The following VEGFA variants were observed in gnomAD, a reference collection of about 807,000 sequenced individuals.
VEGFA encodes the protein vascular endothelial growth factor A, long form.
VEGFA carries 20 observed loss-of-function variants against 49.7 expected under a neutral mutation model. The ratio of observed to expected loss-of-function variants is 0.40; its 90% CI spans 0.28 to 0.58. The LOEUF (loss-of-function observed/expected upper bound fraction) is 0.58, where lower values mean the gene tolerates loss of function less well. Ranked by LOEUF, VEGFA falls within the 20% of genes least tolerant of loss-of-function variation. The pLI is 0.40. For synonymous variants in VEGFA, 219 were observed against 223.4 expected, an observed-to-expected ratio of 0.98 and a Z score of 0.18; for missense variants, 505 against 553.5, an observed-to-expected ratio of 0.91 and a Z score of 0.88.
chr6:43,784,518 C>T (rs1292914037), intron 7 of VEGFA, 23 bp from the exon 8 acceptor site: 5 of 1,613,792 alleles, frequency 3.1e-6, no homozygotes, highest in Non-Finnish European at 4.2e-6. Flanking sequence ...CTAACCCCAG[C>T]CTTTGTTTTC....
chr6:43,772,507 T>C (rs1257381738), intron 1 of VEGFA, among the ~76,000 whole-genome samples: 1 of 152,176 alleles, frequency 6.6e-6, no homozygotes, highest in Non-Finnish European at 1.5e-5. Context: ...TTTACCCTTT[T>C]GGAGAAATGG....
chr6:43,779,498 T>G (rs901481192), intron 5 of VEGFA: 1 of 371,184 alleles, frequency 2.7e-6, no homozygotes. Context: ...TAGGATGGGG[T>G]GGGGGACAAG....
At chr6:43,772,109 C>T (rs997539965) in intron 1 of VEGFA, 6 of 981,674 alleles carry the variant, frequency 6.1e-6, no homozygotes, top group Non-Finnish European at 7.3e-6. Context: ...GAGGTAGCCC[C>T]AGCCCGGGGA....
At chr6:43,772,006 G>A in intron 1 of VEGFA, 15 of 985,238 alleles carry the variant, frequency 1.5e-5, no homozygotes, top group Non-Finnish European at 1.8e-5. Flanking sequence ...GGCCGGCCGC[G>A]TGTTCCCGGA....
At chr6:43,779,115 G>A in intron 5 of VEGFA, 197 bp downstream of exon 5, 2 of 677,852 alleles carry the variant, frequency 3.0e-6, no homozygotes, top group Admixed American at 2.7e-5. Context: ...AGAAAACATA[G>A]CCAGGAGCCT....
intron 5 of VEGFA, chr6:43,779,309 C>G (rs979971536): frequency 1.5e-5 from 6 of 408,518 alleles, no homozygotes; most frequent in African/African-American, 1.2e-4. Context: ...AGGAAATGGC[C>G]TCTTTTGGTG....
chr6:43,776,025 A>G (rs1765299515), intron 2 of VEGFA: 2 of 151,196 alleles, frequency 1.3e-5, no homozygotes, highest in African/African-American at 2.4e-5. Context: ...GGGGGTTGGG[A>G]GCTGGGGTGG....
In VEGFA at chr6:43,777,782, A is replaced by C; in HGVS notation, c.855+117A>C. On this transcript the variant is annotated intron_variant, in intron 3 of 7. Transcript: ENST00000672860. This position sits in a 1 kb window ranked among gnomAD's most constrained non-coding sequence, Gnocchi z 4.3. ...TTGCCTTGTCTGGCTCCTGCCCCTG[A>C]GTTGCACAGGGGAGGTATGGTGGGG... 1.8e-6 allele frequency: 2 copies of C among 1,123,860 alleles called. No homozygotes were observed. Among genetic ancestry groups the C allele is most frequent in the Non-Finnish European group, 2.5e-6 (2 of 787,612 alleles). 69.6% of individuals were successfully genotyped at this position (1,123,860 alleles called of 1,614,324 possible).
chr6:43,784,155 C>T (rs1391604975), intron 7 of VEGFA: 1 of 336,404 alleles, frequency 3.0e-6, no homozygotes. Flanking sequence ...CAGGGAGCCT[C>T]TTCTGATTAA....
intron 5 of VEGFA, chr6:43,780,425 A>G (rs1286466761): frequency 1.6e-5 from 7 of 433,146 alleles, no homozygotes; most frequent in African/African-American, 1.2e-4. Context: ...GAGTGTGGAG[A>G]CCTTTGGGTC....
chr6:43,770,327 C>CCCCT lies in VEGFA; in HGVS notation c.-380_-379insCCCT. On this transcript the variant is annotated 5_prime_UTR_variant, in exon 1 of 8. Transcript: ENST00000672860. ...CGGTCAGCGGACTCACCGGCCAGGG[C>CCCCT]GCTCGGTGCTGGAATTTGATATTCA... The CCCCT allele has an allele frequency of 3.6e-6, 1 of 277,952 alleles. No homozygotes were observed. The highest frequency in any genetic ancestry group is 6.7e-6 in the Non-Finnish European group (1 of 148,578). The allele number at this position is 277,952 out of a possible 1,614,324, so 17.2% of individuals were successfully genotyped here.
At position 43,770,621 on chromosome 6, in the gene VEGFA, G is replaced by T; in HGVS notation, c.-86G>T. 1 of 1,462,270 alleles carries T rather than the reference G, an allele frequency of 6.8e-7. No homozygotes were observed. The highest frequency in any genetic ancestry group is 9.0e-7 in the Non-Finnish European group (1 of 1,116,156). The allele number at this position is 1,462,270 out of a possible 1,614,324, so 90.6% of individuals were successfully genotyped here. A position where few individuals can be genotyped will look rare whatever the true frequency, so the allele number is the denominator to read the frequency against. On this transcript the variant is annotated 5_prime_UTR_variant, in exon 1 of 8. Coordinates refer to ENST00000672860, the MANE Select transcript of VEGFA (RefSeq NM_003376.6). ...CGTGCGAGCAGCGAAAGCGACAGGG[G>T]CAAAGTGAGTGACCTGCTTTTGGGG...
At chr6:43,783,734 C>T (rs1168261690) in intron 7 of VEGFA, 1 of 152,378 alleles carries the variant, frequency 6.6e-6, no homozygotes, top group Non-Finnish European at 1.5e-5. Context: ...CCTGTTCTGC[C>T]TCCTTCTCAC....
In VEGFA at chr6:43,777,911, AGATG is replaced by A. The variant is rs1323096683; in HGVS notation, c.855+251_855+254del. ...GTTGCCCATGGGCTCAGGAGGGGAC[AGATG>A]GATGCCTGTGTCAGGAGCCCCTCTC... is the stretch of plus-strand genomic sequence containing the variant. On this transcript the variant is annotated intron_variant, in intron 3 of 7. Coordinates refer to ENST00000672860, the MANE Select transcript of VEGFA (RefSeq NM_003376.6). The surrounding 1 kb of genome is among the most constrained non-coding windows in gnomAD (Gnocchi z 4.3). The A allele has an allele frequency of 1.4e-5, 8 of 568,376 alleles. No individual in the cohort carries two copies. In the African/African-American group the frequency reaches 1.5e-4, roughly 11 times the overall value. The allele number at this position is 568,376 out of a possible 1,614,324, so 35.2% of individuals were successfully genotyped here.
chr6:43,771,932 T>C, intron 1 of VEGFA: 2 of 808,418 alleles, frequency 2.5e-6, no homozygotes, highest in Non-Finnish European at 3.0e-6. Context: ...TCCCGCTCGG[T>C]GCCCGCCCTC....
At chr6:43,775,986 G>C (rs1221517029) in intron 2 of VEGFA, 1 of 152,082 alleles carries the variant, frequency 6.6e-6, no homozygotes, top group Admixed American at 6.6e-5. Flanking sequence ...AGGAGTGAGG[G>C]GGAGGCTCAG....
In VEGFA at chr6:43,785,268, G is replaced by A. The variant is rs747321252; in HGVS notation, c.*706G>A. On this transcript the variant is annotated 3_prime_UTR_variant, in exon 8 of 8. Coordinates refer to ENST00000672860, the MANE Select transcript of VEGFA (RefSeq NM_003376.6). ...CTGGCGCTGAGCCTCTCTACCCCAG[G>A]TCAGACGGACAGAAAGACAGATCAC... 38 of 204,256 alleles carry A rather than the reference G, an allele frequency of 1.9e-4. No individual in the cohort carries two copies. The highest frequency in any genetic ancestry group is 3.1e-4 in the Non-Finnish European group (31 of 99,278). The allele number at this position is 204,256 out of a possible 1,614,324, so 12.7% of individuals were successfully genotyped here.
Position 43,784,730 on chromosome 6 carries a change from C to A in VEGFA, c.*168C>A. On this transcript the variant is annotated 3_prime_UTR_variant, in exon 8 of 8. Coordinates refer to ENST00000672860, the MANE Select transcript of VEGFA (RefSeq NM_003376.6). ...ACCTGAAATGAAGGAAGAGGAGACT[C>A]TGCGCAGAGCACTTTGGGTCCGGAG... 1 of 1,311,692 alleles carries A rather than the reference C, an allele frequency of 7.6e-7. No homozygotes were observed. The highest frequency in any genetic ancestry group is 1.1e-6 in the Non-Finnish European group (1 of 918,006). 81.3% of individuals were successfully genotyped at this position (1,311,692 alleles called of 1,614,324 possible).
chr6:43,772,903 A>G (rs1582471722), intron 1 of VEGFA, among the ~76,000 whole-genome samples: 1 of 152,106 alleles, frequency 6.6e-6, no homozygotes, highest in Non-Finnish European at 1.5e-5. Context: ...AGAGAAGGAC[A>G]CCTGGCCCCT....
Sources: allele counts gnomAD v4.1 joint callset (sites outside exome capture counted in the v4.1 genomes callset), GRCh38; gene constraint gnomAD v4.1.1; non-coding constraint Gnocchi (gnomAD v3.1); transcripts MANE v1.5; gene names NCBI Gene and HGNC (gene_info 2026-07-23, HGNC 2026-07-21).